The following SMARCE1 variants were observed in gnomAD, a reference collection of about 807,000 sequenced individuals.
SMARCE1 encodes the protein SWI/SNF-related matrix-associated actin-dependent regulator of chromatin subfamily E member 1.
In SMARCE1, 13 loss-of-function variants were observed where a neutral mutation model predicts 54.9. That is an observed-to-expected ratio of 0.24 (90% CI 0.15 to 0.38). The LOEUF is 0.38. SMARCE1 is among the 10% of genes least tolerant of loss of function. The pLI is 1.00. For missense variants in SMARCE1, 295 were observed against 523.8 expected, an observed-to-expected ratio of 0.56 and a Z score of 4.26; for synonymous variants, 151 against 175.3, an observed-to-expected ratio of 0.86 and a Z score of 1.10.
Position 40,631,580 on chromosome 17 carries a change from T to C in SMARCE1, c.816+12A>G. 7.5e-7 allele frequency: 1 copy of C among 1,340,580 alleles called. No homozygotes were observed. Among genetic ancestry groups the C allele is most frequent in the Non-Finnish European group, 1.1e-6 (1 of 933,886 alleles). The allele number at this position is 1,340,580 out of a possible 1,614,324, so 83.0% of individuals were successfully genotyped here. A position where few individuals can be genotyped will look rare whatever the true frequency, so the allele number is the denominator to read the frequency against. ...TAGTGATAAAAGTATAGTTAACATA[T>C]TAAACAGATACCCTTTTAAGTTCAT... On this transcript the variant is annotated intron_variant, in intron 9 of 10. Transcript: ENST00000348513.
chr17:40,625,322 A>C lies in SMARCE1; in HGVS notation c.*3463T>G, dbSNP rs1450475731. ...ATTATAATTCAGCACGATTTCTTCT[A>C]AAAAGGCTCCGAGTTCCTTTGAGCT... On this transcript the variant is annotated 3_prime_UTR_variant, in exon 11 of 11. Coordinates refer to ENST00000348513, the MANE Select transcript of SMARCE1 (RefSeq NM_003079.5). The C allele has an allele frequency of 6.6e-6, 1 of 152,244 alleles. No individual in the cohort carries two copies. The highest frequency in any genetic ancestry group is 1.5e-5 in the Non-Finnish European group (1 of 68,038). The allele number at this position is 152,244 out of a possible 1,614,324, so 9.4% of individuals were successfully genotyped here.
chr17:40,631,062 CA>C, intron 9 of SMARCE1, 138 bp from the exon 10 acceptor site: 9 of 652,910 alleles, frequency 1.4e-5, no homozygotes, highest in African/African-American at 3.7e-5. Context: ...GTGTGTGTGC[CA>C]AAAAAATGTG....
intron 1 of SMARCE1, among the ~76,000 whole-genome samples, chr17:40,646,342 C>T (rs1010198167): frequency 6.6e-6 from 1 of 152,186 alleles, no homozygotes; most frequent in African/African-American, 2.4e-5. Flanking sequence ...ATGAACTTCA[C>T]ATTCTCTTAT....
intron 4 of SMARCE1, chr17:40,641,852 T>TG (rs2037202995): frequency 6.5e-6 from 1 of 152,758 alleles, no homozygotes; most frequent in African/African-American, 2.4e-5. Context: ...CACTTCTCGT[T>TG]GTACATATCT....
intron 7 of SMARCE1, 27 bp downstream of exon 7, chr17:40,635,904 A>C: frequency 6.6e-7 from 1 of 1,520,738 alleles, no homozygotes; most frequent in Non-Finnish European, 8.8e-7. Flanking sequence ...AGAAAGCATA[A>C]ACAAAACCCC....
chr17:40,646,156 TGATAC>T (rs1355198252), intron 1 of SMARCE1, among the ~76,000 whole-genome samples: 1 of 152,196 alleles, frequency 6.6e-6, no homozygotes, highest in African/African-American at 2.4e-5. Context: ...TTCATCAGAC[TGATAC>T]AAGGATGAGA....
intron 8 of SMARCE1, 42 bp downstream of exon 8, chr17:40,632,153 G>A: frequency 6.8e-7 from 1 of 1,462,882 alleles, no homozygotes; most frequent in Non-Finnish European, 9.5e-7. Context: ...GGGATTTGTG[G>A]TATAGGCACA....
At chr17:40,637,416 C>T (rs758990779) in intron 5 of SMARCE1, 76 bp downstream of exon 5, 93 of 1,180,914 alleles carry the variant, frequency 7.9e-5, no homozygotes, top group Non-Finnish European at 1.0e-4. Flanking sequence ...CTGGCTAAGC[C>T]GATCTAAAGT....
intron 10 of SMARCE1, 55 bp from the exon 11 acceptor site, chr17:40,629,048 T>C: frequency 5.5e-6 from 8 of 1,445,308 alleles, no homozygotes; most frequent in Non-Finnish European, 7.8e-6. Context: ...ACTCTAGTTA[T>C]GCTGACAGTA....
In SMARCE1 at chr17:40,630,910, T is replaced by C. The variant is rs780880269; in HGVS notation, c.831A>G (p.Lys277=). Residue 277 remains lysine, a synonymous_variant, in exon 10 of 11, where the codon AAA becomes AAG. Coordinates refer to ENST00000348513, the MANE Select transcript of SMARCE1 (RefSeq NM_003079.5). ...CAATTTTCTCCATATCCACTTCTAC[T>C]TTCAGACCGCACAACTAATCAGAAA... ...NNELKRLCGL[K]VEVDMEKIAA... is the part of the protein sequence containing the mutation. 5.0e-6 allele frequency: 8 copies of C among 1,612,748 alleles called. No homozygotes were observed. In the Admixed American group the frequency reaches 1.3e-4, roughly 27 times the overall value.
At chr17:40,635,848 A>G in intron 7 of SMARCE1, 83 bp downstream of exon 7, 1 of 1,042,212 alleles carries the variant, frequency 9.6e-7, no homozygotes, top group Non-Finnish European at 1.3e-6. Flanking sequence ...TTAGGATAAG[A>G]AATAAAAACT....
At chr17:40,630,184 C>T (rs567479818) in intron 10 of SMARCE1, 4 of 1,137,270 alleles carry the variant, frequency 3.5e-6, no homozygotes, top group African/African-American at 1.6e-5. Flanking sequence ...TTTATTTATA[C>T]AAGTTATTAT....
At chr17:40,640,363 C>T (rs560089033) in intron 4 of SMARCE1, among the ~76,000 whole-genome samples, 10 of 152,258 alleles carry the variant, frequency 6.6e-5, no homozygotes, top group Admixed American at 5.2e-4. Flanking sequence ...CAAAAGGTCT[C>T]GACATGCTAT....
At chr17:40,637,617 C>T in intron 4 of SMARCE1, 45 bp from the exon 5 acceptor site, 1 of 1,448,668 alleles carries the variant, frequency 6.9e-7, no homozygotes, top group Non-Finnish European at 9.7e-7. Flanking sequence ...GTAAGGAGTT[C>T]ACTGGCAAAC....
At chr17:40,629,905 T>C in intron 10 of SMARCE1, 1 of 350,780 alleles carries the variant, frequency 2.9e-6, no homozygotes, top group Non-Finnish European at 5.1e-6. Flanking sequence ...GTTAATCTGC[T>C]GGATTAAATT....
intron 10 of SMARCE1, chr17:40,629,799 T>G (rs954296011): frequency 1.0e-5 from 4 of 387,910 alleles, no homozygotes; most frequent in Non-Finnish European, 1.8e-5. Context: ...ACCACAAAAA[T>G]GTGCTCATGC....
rs113326396 is a variant in SMARCE1, at chr17:40,642,264, T to C, written c.156+191A>G. 2.8e-3 allele frequency: 1,810 copies of C among 650,366 alleles called. 27 individuals carry two copies. The African/African-American group carries it at 0.029, about 10-fold the overall frequency. 40.3% of individuals were successfully genotyped at this position (650,366 alleles called of 1,614,324 possible). A position where few individuals can be genotyped will look rare whatever the true frequency, so the allele number is the denominator to read the frequency against. On this transcript the variant is annotated intron_variant, in intron 4 of 10. Coordinates refer to ENST00000348513, the MANE Select transcript of SMARCE1 (RefSeq NM_003079.5). The surrounding 1 kb of genome is among the most constrained non-coding windows in gnomAD (Gnocchi z 4.6). ...CAGAATGGATTTTTCTTTTCTTCTA[T>C]ATACATTCCAGATCTCACTATTTAT...
rs747447517 is a variant in SMARCE1, at chr17:40,631,685, T to C, written c.723A>G (p.Leu241=). The C allele has an allele frequency of 4.4e-6, 7 of 1,596,248 alleles. No homozygotes were observed. The highest frequency in any genetic ancestry group is 1.1e-5 in the South Asian group (1 of 90,726). Residue 241 remains leucine, a synonymous_variant, in exon 9 of 11, where the codon CTA becomes CTG. Transcript: ENST00000348513. ...VQSLMVHQRK[L]EAELLQIEER... is the part of the protein sequence containing the mutation. ...CCTCTATTTGAAGAAGTTCAGCTTC[T>C]AGTTTTCGCTGCAAGACAGGATCAG...
intron 4 of SMARCE1, among the ~76,000 whole-genome samples, chr17:40,638,431 A>T (rs1229935308): frequency 2.0e-5 from 3 of 152,182 alleles, no homozygotes; most frequent in African/African-American, 7.2e-5. Context: ...AGACTGAAAA[A>T]TATTTTTTAA....
Sources: allele counts gnomAD v4.1 joint callset (sites outside exome capture counted in the v4.1 genomes callset), GRCh38; gene constraint gnomAD v4.1.1; non-coding constraint Gnocchi (gnomAD v3.1); transcripts MANE v1.5; gene names NCBI Gene and HGNC (gene_info 2026-07-23, HGNC 2026-07-21).